Variants in DIP2C observed in about 807,000 individuals in gnomAD.
DIP2C encodes the protein DIP2 acetate--CoA ligase C (putative).
Under a neutral mutation model 192.4 loss-of-function variants are expected in DIP2C, and 33 were observed. The ratio of observed to expected loss-of-function variants is 0.17; its 90% CI spans 0.13 to 0.23. The LOEUF is 0.23. DIP2C is among the 10% of genes least tolerant of loss of function. The pLI is 1.00. For synonymous variants in DIP2C, 979 were observed against 864.1 expected, an observed-to-expected ratio of 1.13 and a Z score of -2.33; for missense variants, 1,537 against 2,110.1, an observed-to-expected ratio of 0.73 and a Z score of 5.32.
chr10:525,771 T>C (rs935032161), intron 1 of DIP2C, among the ~76,000 whole-genome samples: 3 of 152,150 alleles, frequency 2.0e-5, no homozygotes, highest in African/African-American at 7.2e-5. Flanking sequence ...CAGCTAACCC[T>C]GCGATGGCCA....
At chr10:506,436 C>G (rs1845598896) in intron 1 of DIP2C, among the ~76,000 whole-genome samples, 1 of 152,158 alleles carries the variant, frequency 6.6e-6, no homozygotes, top group African/African-American at 2.4e-5. Flanking sequence ...GCCCTGGGGT[C>G]TGAGGCTTTC....
At chr10:365,920 G>C (rs1960135125) in intron 19 of DIP2C, among the ~76,000 whole-genome samples, 1 of 152,352 alleles carries the variant, frequency 6.6e-6, no homozygotes, top group South Asian at 2.1e-4. Context: ...GTGTAGCCCA[G>C]GCCAAGGGGC....
At chr10:624,601 G>A (rs1000316149) in intron 1 of DIP2C, among the ~76,000 whole-genome samples, 1 of 152,210 alleles carries the variant, frequency 6.6e-6, no homozygotes, top group Non-Finnish European at 1.5e-5. Context: ...CCCTCTGGAT[G>A]TGGCTGGAGT....
At chr10:376,529 A>T (rs1291279989) in intron 17 of DIP2C, among the ~76,000 whole-genome samples, 1 of 150,008 alleles carries the variant, frequency 6.7e-6, no homozygotes, top group African/African-American at 2.5e-5. Flanking sequence ...TCCCTTCTGA[A>T]CTGGCAGCCA....
intron 24 of DIP2C, among the ~76,000 whole-genome samples, chr10:350,120 G>A (rs1019572447): frequency 6.6e-6 from 1 of 152,170 alleles, no homozygotes; most frequent in South Asian, 2.1e-4. Flanking sequence ...CAGGGTCTCT[G>A]TCTCCCAGGC....
chr10:566,287 G>A (rs1849465208), intron 1 of DIP2C, among the ~76,000 whole-genome samples: 2 of 152,060 alleles, frequency 1.3e-5, no homozygotes, highest in African/African-American at 4.8e-5. Flanking sequence ...TTAAAAGCCT[G>A]GCCAGGAATC....
intron 1 of DIP2C, among the ~76,000 whole-genome samples, chr10:590,627 T>TA (rs1159384739): frequency 6.6e-6 from 1 of 152,220 alleles, no homozygotes; most frequent in Non-Finnish European, 1.5e-5. Flanking sequence ...CTACAATCTT[T>TA]AAACAGAGCC....
At chr10:385,501 T>C (rs1962817143) in intron 14 of DIP2C, among the ~76,000 whole-genome samples, 1 of 152,218 alleles carries the variant, frequency 6.6e-6, no homozygotes, top group Non-Finnish European at 1.5e-5. Flanking sequence ...TGTGTTATGC[T>C]AACTTTTATT....
At chr10:313,844 TATC>T (rs1956663156) in intron 31 of DIP2C, among the ~76,000 whole-genome samples, 1 of 152,226 alleles carries the variant, frequency 6.6e-6, no homozygotes, top group Non-Finnish European at 1.5e-5. Context: ...ACACCCCAAA[TATC>T]AGCACAGAAA....
In DIP2C at chr10:358,868, G is replaced by A. The variant is rs759925692; in HGVS notation, c.2795-931C>T. Reference sequence around the variant, plus strand: ...GCAGGGGGAGGAGCAGAGGAAGCAGGGAGAGTAAAAGAATGTTTACCAAAA... The same window carrying A: ...GCAGGGGGAGGAGCAGAGGAAGCAGAGAGAGTAAAAGAATGTTTACCAAAA... On this transcript the variant is annotated intron_variant, in intron 22 of 36. Coordinates refer to ENST00000280886, the MANE Select transcript of DIP2C (RefSeq NM_014974.3). Among the ~76,000 whole-genome samples, 139 of 149,248 alleles carry A rather than the reference G, an allele frequency of 9.3e-4. 1 individual carries two copies. The highest frequency in any genetic ancestry group is 1.5e-3 in the Non-Finnish European group (99 of 67,356).
intron 4 of DIP2C, among the ~76,000 whole-genome samples, chr10:435,402 G>A (rs1490203770): frequency 6.6e-6 from 1 of 152,218 alleles, no homozygotes; most frequent in East Asian, 1.9e-4. Context: ...TCGAGAACCT[G>A]GTTGAGCTTC....
chr10:498,777 C>T (rs912463199), intron 1 of DIP2C, among the ~76,000 whole-genome samples: 7 of 152,198 alleles, frequency 4.6e-5, no homozygotes, highest in Non-Finnish European at 8.8e-5. Context: ...CCCCACTCAC[C>T]GTTTCCCAGT....
At chr10:338,173 A>C (rs1957962590) in intron 29 of DIP2C, among the ~76,000 whole-genome samples, 2 of 152,258 alleles carry the variant, frequency 1.3e-5, no homozygotes, top group Admixed American at 1.3e-4. Flanking sequence ...TTTATAGATG[A>C]GTCAAAAATG....
At chr10:365,053 G>A (rs760707005) in intron 19 of DIP2C, 4 of 525,638 alleles carry the variant, frequency 7.6e-6, no homozygotes, top group South Asian at 1.4e-5. Context: ...AAGCAAATCA[G>A]ATCAGTTCAA....
At chr10:464,548 TCA>T (rs1970054811) in intron 3 of DIP2C, among the ~76,000 whole-genome samples, 1 of 66,788 alleles carries the variant, frequency 1.5e-5, no homozygotes, top group South Asian at 9.5e-4. Flanking sequence ...GTAAATTAGT[TCA>T]ACCATTGTGG....
rs1377698379 is a variant in DIP2C, at chr10:636,703, C to T, written c.85+52791G>A. Among the ~76,000 whole-genome samples the T allele has an allele frequency of 1.3e-5, 2 of 152,228 alleles. No homozygotes were observed. Among genetic ancestry groups the T allele is most frequent in the African/African-American group, 4.8e-5 (2 of 41,454 alleles). On this transcript the variant is annotated intron_variant, in intron 1 of 36. Transcript: ENST00000280886. The surrounding 1 kb of genome is among the most constrained non-coding windows in gnomAD (Gnocchi z 4.6). ...ATCTTCGTCAGGGACAGCCTCACAC[C>T]CTTTATCTGTGATGACTTTTCGAGA...
At chr10:622,869 G>A (rs1853958387) in intron 1 of DIP2C, among the ~76,000 whole-genome samples, 1 of 152,208 alleles carries the variant, frequency 6.6e-6, no homozygotes, top group Non-Finnish European at 1.5e-5. Flanking sequence ...CACTGGGTAT[G>A]GGGTGATGGG....
At chr10:619,414 T>C (rs1031909102) in intron 1 of DIP2C, among the ~76,000 whole-genome samples, 2 of 151,926 alleles carry the variant, frequency 1.3e-5, no homozygotes, top group Admixed American at 6.5e-5. Flanking sequence ...GGCTTCCGCA[T>C]CCCCTGGTCC....
chr10:581,409 T>TTAC (rs1169017787), intron 1 of DIP2C, among the ~76,000 whole-genome samples: 3 of 152,172 alleles, frequency 2.0e-5, no homozygotes, highest in African/African-American at 7.2e-5. Context: ...TCAAGGGAAT[T>TTAC]TACTTAACAT....
Sources: allele counts gnomAD v4.1 joint callset (sites outside exome capture counted in the v4.1 genomes callset), GRCh38; gene constraint gnomAD v4.1.1; non-coding constraint Gnocchi (gnomAD v3.1); transcripts MANE v1.5; gene names NCBI Gene and HGNC (gene_info 2026-07-23, HGNC 2026-07-21).